NEMP2: variants seen among roughly 807,000 people sequenced by gnomAD.
The protein encoded by NEMP2 is UPF0571 transmembrane protein.
In NEMP2, 53 loss-of-function variants were observed where a neutral mutation model predicts 54.2. The observed-to-expected ratio is 0.98, with a 90% CI of 0.78 to 1.23. The LOEUF (loss-of-function observed/expected upper bound fraction) is 1.23, where lower values mean the gene tolerates loss of function less well. Ranked by LOEUF, NEMP2 falls within the 50% of genes most tolerant of loss-of-function variation. The pLI, the probability that NEMP2 is intolerant of heterozygous loss-of-function variation, is 0.00. For synonymous variants in NEMP2, 197 were observed against 190.3 expected, an observed-to-expected ratio of 1.04 and a Z score of -0.29; for missense variants, 455 against 511.3, an observed-to-expected ratio of 0.89 and a Z score of 1.06.
chr2:190,621,194 G>A, the NEMP2 span, among the ~76,000 whole-genome samples: 2 of 152,134 alleles, frequency 1.3e-5, no homozygotes, highest in African/African-American at 4.8e-5. Context: ...GTTGTCATGC[G>A]AACATCACAG....
downstream of NEMP2, chr2:190,502,077 A>C (rs1690049517): frequency 6.6e-6 from 1 of 152,614 alleles, no homozygotes; most frequent in African/African-American, 2.4e-5. This position sits in a 1 kb window ranked among gnomAD's most constrained non-coding sequence, Gnocchi z 4.4. Context: ...ACCATTTTTA[A>C]ATGTTTCTTA....
At chr2:190,577,415 C>T in the NEMP2 span, among the ~76,000 whole-genome samples, 50 of 152,026 alleles carry the variant, frequency 3.3e-4, no homozygotes, top group Non-Finnish European at 5.4e-4. This position sits in a 1 kb window ranked among gnomAD's most constrained non-coding sequence, Gnocchi z 4.8. Flanking sequence ...TTTAGGTTCA[C>T]GTAAATAATG....
chr2:190,510,381 G>C lies in NEMP2; in HGVS notation c.1110C>G (p.Ser370=). The change falls in exon 8 of 9, where the codon TCC becomes TCG. Residue 370 remains serine, a synonymous_variant. Coordinates refer to ENST00000409150, the MANE Select transcript of NEMP2 (RefSeq NM_001142645.2). The surrounding 1 kb of genome is among the most constrained non-coding windows in gnomAD (Gnocchi z 5.7). Reference sequence around the variant, plus strand: ...CTTACTTGCTAGGAGTGTGGAGTCTGGAGACGACCAGCCATGAGGGAAAGT... The same window carrying C: ...CTTACTTGCTAGGAGTGTGGAGTCTCGAGACGACCAGCCATGAGGGAAAGT... The part of the protein sequence containing the change: ...KPDFPSWLVV[S]RLHTPSKFAD... The C allele has an allele frequency of 6.4e-7, 1 of 1,551,718 alleles. No homozygotes were observed. Among genetic ancestry groups the C allele is most frequent in the Non-Finnish European group, 8.7e-7 (1 of 1,147,002 alleles).
At position 190,521,538 on chromosome 2, in the gene NEMP2, A is replaced by T. The variant is rs1195570871; in HGVS notation, c.214-2355T>A. Reference sequence around the variant, plus strand: ...GAAGAAACAACCTTCTGTGGACTCCACTTTTCCCTCCAACTACCACCCATT... The same window carrying T: ...GAAGAAACAACCTTCTGTGGACTCCTCTTTTCCCTCCAACTACCACCCATT... On this transcript the variant is annotated intron_variant, in intron 2 of 8. Transcript: ENST00000409150. The surrounding 1 kb of genome is among the most constrained non-coding windows in gnomAD (Gnocchi z 6.2). Among the ~76,000 whole-genome samples the T allele has an allele frequency of 6.6e-6, 1 of 152,152 alleles. No homozygotes were observed. The highest frequency in any genetic ancestry group is 1.5e-5 in the Non-Finnish European group (1 of 68,018).
the NEMP2 span, chr2:190,489,878 C>T: frequency 2.5e-6 from 4 of 1,610,160 alleles, no homozygotes; most frequent in Non-Finnish European, 2.5e-6. The surrounding 1 kb of genome is among the most constrained non-coding windows in gnomAD (Gnocchi z 6.6). Context: ...TAATTATTTC[C>T]ATTCTTTCTT....
chr2:190,518,650 T>C (rs549611315), intron 4 of NEMP2, 86 bp downstream of exon 4: 21 of 1,106,098 alleles, frequency 1.9e-5, no homozygotes, highest in South Asian at 1.3e-4. Context: ...AAATGCACAA[T>C]AGTGTGAAAA....
At chr2:190,488,524 G>A in the NEMP2 span, 1 of 842,744 alleles carries the variant, frequency 1.2e-6, no homozygotes, top group Non-Finnish European at 1.7e-6. The surrounding 1 kb of genome is among the most constrained non-coding windows in gnomAD (Gnocchi z 6.4). Flanking sequence ...ATGTGAAAAT[G>A]GTAAATTTTT....
downstream of NEMP2, among the ~76,000 whole-genome samples, chr2:190,503,476 T>C (rs1339561068): frequency 6.6e-6 from 1 of 152,262 alleles, no homozygotes; most frequent in Non-Finnish European, 1.5e-5. This position sits in a 1 kb window ranked among gnomAD's most constrained non-coding sequence, Gnocchi z 6.3. Context: ...GCTACCATAC[T>C]GGACAGCACG....
At chr2:190,539,797 A>G in the NEMP2 span, among the ~76,000 whole-genome samples, 1 of 152,134 alleles carries the variant, frequency 6.6e-6, no homozygotes, top group Admixed American at 6.5e-5. The surrounding 1 kb of genome is among the most constrained non-coding windows in gnomAD (Gnocchi z 4.1). Context: ...GAATTCATTT[A>G]CTACTTCTAA....
At chr2:190,489,853 A>C in the NEMP2 span, 1 of 1,613,846 alleles carries the variant, frequency 6.2e-7, no homozygotes, top group Non-Finnish European at 8.5e-7. This position sits in a 1 kb window ranked among gnomAD's most constrained non-coding sequence, Gnocchi z 6.6. Context: ...TGGCAGTGCC[A>C]GATGAGGAAG....
chr2:190,488,685 A>C, the NEMP2 span: 1 of 1,592,012 alleles, frequency 6.3e-7, no homozygotes, highest in Non-Finnish European at 8.5e-7. The surrounding 1 kb of genome is among the most constrained non-coding windows in gnomAD (Gnocchi z 6.4). Flanking sequence ...TCTGGGCAGC[A>C]TGCATTTCTT....
At chr2:190,501,632 G>C (rs1690029625), downstream of NEMP2, 1 of 152,514 alleles carries the variant, frequency 6.6e-6, no homozygotes, top group Admixed American at 6.5e-5. Context: ...TGATTAGACA[G>C]GATCAATTGT....
chr2:190,516,068 A>C (rs116435769), intron 6 of NEMP2, among the ~76,000 whole-genome samples: 252 of 152,332 alleles, frequency 1.7e-3, no homozygotes, highest in Non-Finnish European at 2.9e-3. Flanking sequence ...TGTCATAGGG[A>C]AATCATCTAA....
chr2:190,458,733 A>G, the NEMP2 span, among the ~76,000 whole-genome samples: 1 of 152,188 alleles, frequency 6.6e-6, no homozygotes, highest in South Asian at 2.1e-4. This position sits in a 1 kb window ranked among gnomAD's most constrained non-coding sequence, Gnocchi z 5.3. Flanking sequence ...TACCCAGAGA[A>G]GCTTAAGTAA....
At chr2:190,468,764 T>C in the NEMP2 span, among the ~76,000 whole-genome samples, 1 of 152,006 alleles carries the variant, frequency 6.6e-6, no homozygotes, top group South Asian at 2.1e-4. Flanking sequence ...CAGTCAGGAA[T>C]GATTTTAACA....
the NEMP2 span, among the ~76,000 whole-genome samples, chr2:190,423,568 T>C: frequency 6.6e-6 from 1 of 152,248 alleles, no homozygotes; most frequent in Non-Finnish European, 1.5e-5. The surrounding 1 kb of genome is among the most constrained non-coding windows in gnomAD (Gnocchi z 4.3). Flanking sequence ...TCTCCACTTT[T>C]TGGCTATTAT....
the NEMP2 span, chr2:190,477,509 C>A: frequency 3.9e-6 from 1 of 254,982 alleles, no homozygotes; most frequent in Non-Finnish European, 6.2e-6. Context: ...AAGAGAACAT[C>A]CATGAAACGG....
At chr2:190,516,048 C>G (rs1388418969) in intron 6 of NEMP2, among the ~76,000 whole-genome samples, 1 of 151,964 alleles carries the variant, frequency 6.6e-6, no homozygotes, top group African/African-American at 2.4e-5. Context: ...CTACAGAAAA[C>G]TAAGAAACAT....
chr2:190,579,741 G>A, the NEMP2 span, among the ~76,000 whole-genome samples: 2 of 152,206 alleles, frequency 1.3e-5, no homozygotes, highest in Non-Finnish European at 2.9e-5. Context: ...AGGCTATGTT[G>A]TGTAGCAGGG....
Sources: gnomAD v4.1 joint callset for allele counts (sites outside exome capture counted in the v4.1 genomes callset) on GRCh38, gnomAD v4.1.1 for gene constraint, Gnocchi (gnomAD v3.1) non-coding constraint, MANE v1.5 for transcripts, NCBI Gene and HGNC (gene_info 2026-07-23, HGNC 2026-07-21) for gene names.